The following THADA variants were observed in gnomAD, a reference collection of about 807,000 sequenced individuals.
The protein encoded by THADA is THADA armadillo repeat containing, also known as tRNA (32-2'-O)-methyltransferase regulator THADA.
THADA carries 213 observed loss-of-function variants against 219.8 expected under a neutral mutation model. The ratio of observed to expected loss-of-function variants is 0.97; its 90% CI spans 0.87 to 1.09. The LOEUF (loss-of-function observed/expected upper bound fraction) is 1.09. Ranked by LOEUF, THADA falls within the 50% of genes least tolerant of loss-of-function variation. THADA has a pLI of 0.00. For synonymous variants in THADA, 1,018 were observed against 828.9 expected (o/e 1.23, Z -3.92); for missense variants, 2,956 against 2,311.3 (o/e 1.28, Z -5.72).
intron 11 of THADA, among the ~76,000 whole-genome samples, chr2:43,573,414 T>TA (rs1699508449): frequency 1.3e-5 from 2 of 152,210 alleles, no homozygotes; most frequent in African/African-American, 4.8e-5. Flanking sequence ...CTAGTAAAGA[T>TA]TAAAAAAGGA....
intron 26 of THADA, among the ~76,000 whole-genome samples, chr2:43,459,388 T>A (rs1388196349): frequency 6.6e-6 from 1 of 152,176 alleles, no homozygotes; most frequent in Non-Finnish European, 1.5e-5. Flanking sequence ...AGTGTTTACA[T>A]CCCTTGTTGT....
chr2:43,238,515 G>A (rs1313163484), intron 36 of THADA, among the ~76,000 whole-genome samples: 1 of 152,164 alleles, frequency 6.6e-6, no homozygotes, highest in Non-Finnish European at 1.5e-5. Flanking sequence ...TACATTTTTA[G>A]TGGGAGTGTA....
chr2:43,566,700 T>C lies in THADA; in HGVS notation c.2309A>G (p.Glu770Gly). The part of the protein sequence containing the change: ...GSIAEVFHVP[E>G]GRIYTVYQLS... ...CCCTAACATTATTAAACACTTACCT[T>C]CTGGGACATGAAAAACTTCAGCTAT... Residue 770 changes from glutamate to glycine, a missense_variant and splice_region_variant, in exon 15 of 38, where the codon GAA becomes GGA. Physicochemically the swap from Glu to Gly is moderately conservative, Grantham distance 98. Transcript: ENST00000405975. 6.2e-7 allele frequency: 1 copy of C among 1,607,080 alleles called. No individual in the cohort carries two copies. Among genetic ancestry groups the C allele is most frequent in the South Asian group, 1.1e-5 (1 of 88,722 alleles).
chr2:43,487,040 T>A (rs1050402231), intron 25 of THADA, among the ~76,000 whole-genome samples: 2 of 152,098 alleles, frequency 1.3e-5, no homozygotes, highest in African/African-American at 4.8e-5. Context: ...ACTGAACAGA[T>A]TCACTTACGT....
chr2:43,265,930 AACACACACACAC>A (rs56173099), intron 36 of THADA, among the ~76,000 whole-genome samples: 11,331 of 124,610 alleles, frequency 0.091, 469 homozygotes, highest in Middle Eastern at 0.13. Context: ...TTACTTTTGA[AACACACACACAC>A]ACACACACAC....
In THADA at chr2:43,570,507, A is replaced by T. The variant is rs1427278517; in HGVS notation, c.2068T>A (p.Phe690Ile). The T allele has an allele frequency of 6.2e-7, 1 of 1,604,794 alleles. No individual in the cohort carries two copies. Among genetic ancestry groups the T allele is most frequent in the East Asian group, 2.2e-5 (1 of 44,750 alleles). Residue 690 changes from phenylalanine to isoleucine, a missense_variant, in exon 14 of 38, where the codon TTT (phenylalanine) becomes ATT (isoleucine). Transcript: ENST00000405975. ...TGAGAACTTTCCTGTATCCTACAAAACAACTTTTGAAACAAAGGAAATGAA... is the reference window on the plus strand; with the variant it reads ...TGAGAACTTTCCTGTATCCTACAAATCAACTTTTGAAACAAAGGAAATGAA... ...QQICSLLKKL[F>I]CRIQESSQVL...
intron 14 of THADA, among the ~76,000 whole-genome samples, chr2:43,569,591 G>A (rs2103993117): frequency 6.6e-6 from 1 of 152,212 alleles, no homozygotes; most frequent in African/African-American, 2.4e-5. Context: ...TTTGTTTGAT[G>A]GCTTTTTATC....
intron 29 of THADA, among the ~76,000 whole-genome samples, chr2:43,356,734 A>G (rs1668906783): frequency 6.6e-6 from 1 of 152,206 alleles, no homozygotes; most frequent in Admixed American, 6.5e-5. Context: ...TTATGCCTTA[A>G]TAACTTAGTG....
chr2:43,570,626 C>G (rs1699188065), intron 13 of THADA, 116 bp from the exon 14 acceptor site: 1 of 1,065,468 alleles, frequency 9.4e-7, no homozygotes, highest in African/African-American at 1.6e-5. Context: ...GATTTTTAAG[C>G]TCTTAATATT....
rs774830793 is a variant in THADA, at chr2:43,592,359, C to A, written c.34G>T (p.Ala12Ser). The A allele has an allele frequency of 3.1e-6, 5 of 1,608,406 alleles. No homozygotes were observed. The highest frequency in any genetic ancestry group is 4.2e-6 in the Non-Finnish European group (5 of 1,177,372). ...GVKKKKEMQV[A>S]ALTICHQDLE... Reference sequence around the variant, plus strand: ...TCCTGATGGCAAATGGTCAGCGCAGCAACTTGCATTTCTTTCTTCTTCTTT... The same window carrying A: ...TCCTGATGGCAAATGGTCAGCGCAGAAACTTGCATTTCTTTCTTCTTCTTT... The change falls in exon 2 of 38, where the codon GCT becomes TCT. Residue 12 changes from alanine to serine, a missense_variant. Physicochemically the swap from Ala to Ser is moderately conservative, Grantham distance 99 (BLOSUM62 1). Coordinates refer to ENST00000405975, the MANE Select transcript of THADA (RefSeq NM_022065.5).
At position 43,586,897 on chromosome 2, in the gene THADA, T is replaced by G. The variant is rs754617107; in HGVS notation, c.408A>C (p.Lys136Asn). 26 of 1,613,754 alleles carry G rather than the reference T, an allele frequency of 1.6e-5. No homozygotes were observed. In the African/African-American group the frequency reaches 3.5e-4, roughly 22 times the overall value. The change falls in exon 5 of 38, where the codon AAA (lysine) becomes AAC (asparagine). Residue 136 changes from lysine (K) to asparagine (N), a missense_variant. Physicochemically the swap from Lys to Asn is moderately conservative, Grantham distance 94. Transcript: ENST00000405975. The part of the protein sequence containing the change: ...LNTTDLYSYR[K>N]VTDNISSCME... Reference sequence around the variant, plus strand: ...TACAGGAAGAAATATTGTCAGTAACTTTCCTGTAAGAGTATAAGTCAGTAG... The same window carrying G: ...TACAGGAAGAAATATTGTCAGTAACGTTCCTGTAAGAGTATAAGTCAGTAG...
chr2:43,490,214 G>C (rs1687458672), intron 25 of THADA, among the ~76,000 whole-genome samples: 1 of 152,126 alleles, frequency 6.6e-6, no homozygotes, highest in Non-Finnish European at 1.5e-5. Flanking sequence ...CTTGCTAATA[G>C]ACAAGCTTTA....
chr2:43,554,365 C>A (rs1697104806), intron 17 of THADA, among the ~76,000 whole-genome samples: 1 of 152,136 alleles, frequency 6.6e-6, no homozygotes, highest in African/African-American at 2.4e-5. Context: ...CATCTCCCCT[C>A]AACGCCTTGG....
intron 22 of THADA, among the ~76,000 whole-genome samples, chr2:43,515,178 T>TTA (rs1691381127): frequency 4.7e-5 from 1 of 21,364 alleles, no homozygotes; most frequent in African/African-American, 2.2e-4. Flanking sequence ...ATATTATATA[T>TTA]TATATATAAT....
chr2:43,286,969 G>A lies in THADA; in HGVS notation c.5103C>T (p.Ala1701=), dbSNP rs377178020. 40 of 1,613,938 alleles carry A rather than the reference G, an allele frequency of 2.5e-5. 1 individual carries two copies. The highest frequency in any genetic ancestry group is 9.9e-5 in the South Asian group (9 of 91,074). ...EDHLPTESRL[A]VVEVLTSTTP... is the part of the protein sequence containing the mutation. The stretch of plus-strand genomic sequence containing the variant: ...TAGTACTGGTGAGGACTTCAACGAC[G>A]GCCAGCCTAGACTCTGTAGGAAGAT... The change falls in exon 35 of 38, where the codon GCC becomes GCT. Residue 1701 remains alanine, a synonymous_variant. Transcript: ENST00000405975.
intron 36 of THADA, among the ~76,000 whole-genome samples, chr2:43,260,590 T>A (rs1329218235): frequency 6.6e-6 from 1 of 152,218 alleles, no homozygotes; most frequent in Non-Finnish European, 1.5e-5. Context: ...ATCTTGATTG[T>A]GTTTTCCTCT....
intron 30 of THADA, among the ~76,000 whole-genome samples, chr2:43,336,885 G>A (rs564587964): frequency 5.3e-5 from 8 of 152,292 alleles, no homozygotes; most frequent in Non-Finnish European, 8.8e-5. Flanking sequence ...GGCGGGGGCC[G>A]TGCAGAAGCA....
At chr2:43,393,293 G>A (rs532945386) in intron 29 of THADA, among the ~76,000 whole-genome samples, 9 of 152,204 alleles carry the variant, frequency 5.9e-5, no homozygotes, top group Admixed American at 1.3e-4. Context: ...GAGAGCAACT[G>A]AGTGATAAAG....
intron 28 of THADA, among the ~76,000 whole-genome samples, chr2:43,426,172 G>A (rs932143878): frequency 6.6e-6 from 1 of 152,040 alleles, no homozygotes. Flanking sequence ...TTTATATAAT[G>A]GATACTTTGA....
Sources: allele counts gnomAD v4.1 joint callset (sites outside exome capture counted in the v4.1 genomes callset), GRCh38; gene constraint gnomAD v4.1.1; transcripts MANE v1.5; gene names NCBI Gene and HGNC (gene_info 2026-07-23, HGNC 2026-07-21).